Variants in SGK1 observed in about 807,000 individuals in gnomAD.
SGK1 encodes serum/glucocorticoid regulated kinase 1.
In SGK1, 26 loss-of-function variants were observed where a neutral mutation model predicts 64.2. That is an observed-to-expected ratio of 0.40 (90% CI 0.30 to 0.56). The LOEUF is 0.56. SGK1 is among the 20% of genes least tolerant of loss of function. The pLI is 0.38. For synonymous variants in SGK1, 265 were observed against 239.7 expected (o/e 1.11, Z -0.98); for missense variants, 519 against 645.6 (o/e 0.80, Z 2.12).
chr6:134,203,674 G>C (rs1775722392), intron 3 of SGK1, among the ~76,000 whole-genome samples: 1 of 152,188 alleles, frequency 6.6e-6, no homozygotes, highest in Non-Finnish European at 1.5e-5. Flanking sequence ...TCTATCAGAA[G>C]AAATAGACTT....
chr6:134,230,954 T>C (rs1582729907), intron 2 of SGK1, among the ~76,000 whole-genome samples: 2 of 151,944 alleles, frequency 1.3e-5, no homozygotes, highest in Admixed American at 1.3e-4. Context: ...GCAGAGGCTG[T>C]AGTGAGCCAA....
chr6:134,253,321 C>T (rs1018766740), intron 2 of SGK1, among the ~76,000 whole-genome samples: 3 of 148,448 alleles, frequency 2.0e-5, no homozygotes, highest in Admixed American at 6.8e-5. Flanking sequence ...TTGTGGAGAA[C>T]GGGGTCTCGC....
chr6:134,311,721 T>C (rs1777611103), intron 1 of SGK1, among the ~76,000 whole-genome samples: 1 of 152,070 alleles, frequency 6.6e-6, no homozygotes, highest in Non-Finnish European at 1.5e-5. Context: ...AATGTAACAA[T>C]GCAGTGTCAC....
chr6:134,173,941 T>C (rs1444235666), intron 5 of SGK1, 64 bp downstream of exon 5: 2 of 1,090,876 alleles, frequency 1.8e-6, no homozygotes, highest in African/African-American at 1.6e-5. Context: ...AATCCATTAA[T>C]GTAGGAATAC....
At chr6:134,192,244 C>T (rs1181336250) in intron 3 of SGK1, among the ~76,000 whole-genome samples, 3 of 152,058 alleles carry the variant, frequency 2.0e-5, no homozygotes, top group Non-Finnish European at 2.9e-5. Flanking sequence ...GGATTACAGG[C>T]GTGGGTCACC....
rs970554616 is a variant in SGK1 at position 134,175,748 on chromosome 6, G to A, written c.362-1162C>T. ...GAAGGAGCCGCCGTGACTCAGGCCGGGCAAGATTTCCTGCCCCGAGTCCCA... is the reference window on the plus strand; with the variant it reads ...GAAGGAGCCGCCGTGACTCAGGCCGAGCAAGATTTCCTGCCCCGAGTCCCA... On this transcript the variant is annotated intron_variant, in intron 3 of 13. Coordinates refer to ENST00000367858, the MANE Select transcript of SGK1 (RefSeq NM_001143676.3). 2.4e-5 allele frequency: 32 copies of A among 1,354,504 alleles called. No homozygotes were observed. In the African/African-American group the frequency reaches 4.7e-4, roughly 20 times the overall value. The allele number at this position is 1,354,504 out of a possible 1,614,324, so 83.9% of individuals were successfully genotyped here. A position where few individuals can be genotyped will look rare whatever the true frequency, so the allele number is the denominator to read the frequency against.
At chr6:134,174,344 ATTAACT>A (rs1212377075) in intron 4 of SGK1, 161 bp downstream of exon 4, 8 of 625,466 alleles carry the variant, frequency 1.3e-5, no homozygotes, top group African/African-American at 9.2e-5. Context: ...AAATCAGCAA[ATTAACT>A]TTAATGTTTA....
intron 11 of SGK1, 98 bp downstream of exon 11, chr6:134,171,539 T>C: frequency 1.3e-6 from 1 of 793,308 alleles, no homozygotes; most frequent in Non-Finnish European, 2.1e-6. Flanking sequence ...TTGATAAGCG[T>C]ACTGGTAAGG....
At chr6:134,237,394 C>A (rs377409300) in intron 2 of SGK1, among the ~76,000 whole-genome samples, 7 of 151,594 alleles carry the variant, frequency 4.6e-5, no homozygotes, top group African/African-American at 1.7e-4. Flanking sequence ...CATAAAATAA[C>A]GCTGGACACA....
intron 1 of SGK1, among the ~76,000 whole-genome samples, chr6:134,267,417 C>G (rs554362505): frequency 7.9e-5 from 12 of 152,054 alleles, no homozygotes; most frequent in Admixed American, 1.3e-4. Flanking sequence ...CTCGCCTCAG[C>G]CTCCCAGTTA....
intron 1 of SGK1, among the ~76,000 whole-genome samples, chr6:134,268,470 A>C (rs9483671): frequency 0.22 from 33,514 of 151,400 alleles, 3,805 homozygotes; most frequent in East Asian, 0.38. Flanking sequence ...TCATGCCTGT[A>C]ATCCCAGTAC....
chr6:134,197,853 TA>T (rs1456348660), intron 3 of SGK1, among the ~76,000 whole-genome samples: 2 of 135,084 alleles, frequency 1.5e-5, no homozygotes, highest in African/African-American at 2.9e-5. Context: ...TAAAATAAAA[TA>T]AAATTAAATT....
chr6:134,239,995 CAGG>C (rs1776418579), intron 2 of SGK1, among the ~76,000 whole-genome samples: 1 of 151,976 alleles, frequency 6.6e-6, no homozygotes, highest in African/African-American at 2.4e-5. Flanking sequence ...AAGCCCTAGT[CAGG>C]AGGGAACTGC....
intron 2 of SGK1, among the ~76,000 whole-genome samples, chr6:134,247,060 G>A (rs1160054545): frequency 6.6e-6 from 1 of 151,740 alleles, no homozygotes; most frequent in Non-Finnish European, 1.5e-5. Flanking sequence ...GAGACATGAT[G>A]GGCTGACAAA....
At chr6:134,223,547 A>G (rs1776124055) in intron 2 of SGK1, among the ~76,000 whole-genome samples, 1 of 152,184 alleles carries the variant, frequency 6.6e-6, no homozygotes, top group African/African-American at 2.4e-5. Flanking sequence ...GGTACCTGAC[A>G]TGAGAGGAAA....
At chr6:134,266,482 G>A (rs1042239468) in intron 1 of SGK1, among the ~76,000 whole-genome samples, 1 of 151,950 alleles carries the variant, frequency 6.6e-6, no homozygotes, top group Non-Finnish European at 1.5e-5. Context: ...GGGCGTGGTG[G>A]TGCACACCCG....
intron 2 of SGK1, among the ~76,000 whole-genome samples, chr6:134,208,644 TC>T (rs1377267300): frequency 6.6e-6 from 1 of 152,104 alleles, no homozygotes; most frequent in Non-Finnish European, 1.5e-5. Context: ...GGTTTTCCAT[TC>T]CTGAGTTACT....
At chr6:134,232,897 T>C (rs796393134) in intron 2 of SGK1, among the ~76,000 whole-genome samples, 6 of 152,044 alleles carry the variant, frequency 3.9e-5, no homozygotes, top group African/African-American at 1.2e-4. Context: ...AACAGATAAG[T>C]CAATGTAGGA....
chr6:134,292,589 T>A (rs770981558), intron 1 of SGK1, among the ~76,000 whole-genome samples: 1 of 151,224 alleles, frequency 6.6e-6, no homozygotes, highest in Non-Finnish European at 1.5e-5. Flanking sequence ...TGAGACTGTC[T>A]CAAAAAAAAA....
Sources: allele counts gnomAD v4.1 joint callset (sites outside exome capture counted in the v4.1 genomes callset), GRCh38; gene constraint gnomAD v4.1.1; transcripts MANE v1.5; gene names NCBI Gene and HGNC (gene_info 2026-07-23, HGNC 2026-07-21).